Variants in INSIG2 observed in about 807,000 individuals in gnomAD.
INSIG2 encodes the protein insulin-induced gene 2 protein.
A neutral mutation model predicts 27.2 loss-of-function variants in INSIG2; 10 were observed. The observed-to-expected ratio is 0.37, with a 90% CI of 0.23 to 0.62. INSIG2 has a LOEUF of 0.62. INSIG2 is among the 20% of genes least tolerant of loss of function. The probability of loss-of-function intolerance (pLI) is 0.65; values close to 1 mark genes in which losing one functional copy is unlikely to be tolerated. For synonymous variants in INSIG2, 97 were observed against 95.8 expected, an observed-to-expected ratio of 1.01 and a Z score of -0.07; for missense variants, 178 against 270.2, an observed-to-expected ratio of 0.66 and a Z score of 2.39.
chr2:118,095,515 C>A (rs763453990), intron 1 of INSIG2, among the ~76,000 whole-genome samples: 1 of 152,166 alleles, frequency 6.6e-6, no homozygotes. Context: ...AAATGAATTA[C>A]CACATGTCAG....
rs543296033 is a variant in INSIG2 at position 118,107,263 on chromosome 2, G to A, written c.636+74G>A. 10 of 962,132 alleles carry A rather than the reference G, an allele frequency of 1.0e-5. No homozygotes were observed. The South Asian group carries it at 1.2e-4, about 11-fold the overall frequency. 59.6% of individuals were successfully genotyped at this position (962,132 alleles called of 1,614,324 possible). Reference sequence around the variant, plus strand: ...TTTTCTCTAAAAGGCAGTCCTTTAAGGGAAAGCAATTTGTGAAGACAACAT... The same window carrying A: ...TTTTCTCTAAAAGGCAGTCCTTTAAAGGAAAGCAATTTGTGAAGACAACAT... On this transcript the variant is annotated intron_variant, in intron 5 of 5. Transcript: ENST00000245787.
chr2:118,088,496 C>G lies in INSIG2; in HGVS notation c.-184C>G, dbSNP rs1052353977. On this transcript the variant is annotated 5_prime_UTR_variant, in exon 1 of 6. Transcript: ENST00000245787. ...GTTGTGGGAGTGGAGGAGGAAGAGG[C>G]GGTAGGGGGTACGGGGGCTGGTCCC... The G allele has an allele frequency of 3.9e-5, 6 of 152,492 alleles. No homozygotes were observed. Among genetic ancestry groups the G allele is most frequent in the African/African-American group, 1.2e-4 (5 of 41,414 alleles). The allele number at this position is 152,492 out of a possible 1,614,324, so 9.4% of individuals were successfully genotyped here. A position where few individuals can be genotyped will look rare whatever the true frequency, so the allele number is the denominator to read the frequency against.
Position 118,106,820 on chromosome 2 carries a change from T to C in INSIG2, c.453T>C (p.Ser151=), listed in dbSNP as rs778097021. The C allele has an allele frequency of 1.2e-6, 2 of 1,614,118 alleles. No individual in the cohort carries two copies. Among genetic ancestry groups the C allele is most frequent in the Middle Eastern group, 1.6e-4 (1 of 6,062 alleles). Residue 151 remains serine (S), a synonymous_variant, in exon 4 of 6, where the codon TCT becomes TCC. Transcript: ENST00000245787. The stretch of plus-strand genomic sequence containing the variant: ...GACTGTGGTGGACTTTTGATAGATC[T>C]AGAAGTGGTTTTGGCCTTGGAGTAG... The part of the protein sequence containing the change: ...SIGLWWTFDR[S]RSGFGLGVGI...
In INSIG2 at chr2:118,108,396, C is replaced by G. The variant is rs1363429401; in HGVS notation, c.*74C>G. The G allele has an allele frequency of 1.7e-6, 2 of 1,150,776 alleles. No individual in the cohort carries two copies. The highest frequency in any genetic ancestry group is 3.1e-5 in the African/African-American group (2 of 63,830). 71.3% of individuals were successfully genotyped at this position (1,150,776 alleles called of 1,614,324 possible). The stretch of plus-strand genomic sequence containing the variant: ...TGAAATGGTAGATATACCAACAAAA[C>G]TTCAGACTGTAAAATTGCCAGGATG... On this transcript the variant is annotated 3_prime_UTR_variant, in exon 6 of 6. Coordinates refer to ENST00000245787, the MANE Select transcript of INSIG2 (RefSeq NM_016133.4).
Position 118,096,596 on chromosome 2 carries a change from T to A in INSIG2, c.40T>A (p.Cys14Ser), listed in dbSNP as rs370685389. 14 of 1,613,586 alleles carry A rather than the reference T, an allele frequency of 8.7e-6. No homozygotes were observed. Among genetic ancestry groups the A allele is most frequent in the Middle Eastern group, 3.3e-4 (2 of 6,084 alleles). The change falls in exon 2 of 6, where the codon TGT becomes AGT. Residue 14 changes from cysteine (C) to serine (S), a missense_variant. Cys to Ser is a moderately radical substitution (Grantham distance 112). Coordinates refer to ENST00000245787, the MANE Select transcript of INSIG2 (RefSeq NM_016133.4). ...GETESPGPKK[C>S]GPYISSVTSQ... The stretch of plus-strand genomic sequence containing the variant: ...GACAGAGTCACCTGGGCCCAAAAAG[T>A]GTGGCCCATATATTTCATCTGTCAC...
At position 118,091,453 on chromosome 2, in the gene INSIG2, A is replaced by G. The variant is rs562841972; in HGVS notation, c.-139+2912A>G. 7.9e-5 allele frequency among the ~76,000 whole-genome samples: 12 copies of G among 152,306 alleles called. No homozygotes were observed. In the South Asian group the frequency reaches 2.5e-3, roughly 32 times the overall value. On this transcript the variant is annotated intron_variant, in intron 1 of 5. Coordinates refer to ENST00000245787, the MANE Select transcript of INSIG2 (RefSeq NM_016133.4). ...GCTAATAGAGTGAGAGAATTGTTAGATTACTGATTCTTTACTTTGTTTGGA... is the reference window on the plus strand; with the variant it reads ...GCTAATAGAGTGAGAGAATTGTTAGGTTACTGATTCTTTACTTTGTTTGGA...
intron 3 of INSIG2, among the ~76,000 whole-genome samples, chr2:118,104,817 T>C (rs561628718): frequency 6.9e-4 from 105 of 152,334 alleles, no homozygotes; most frequent in African/African-American, 2.5e-3. Context: ...ACTTCCACTT[T>C]GATTTTTGTT....
At position 118,108,371 on chromosome 2, in the gene INSIG2, T is replaced by C. The variant is rs1678727732; in HGVS notation, c.*49T>C. 2 of 1,436,428 alleles carry C rather than the reference T, an allele frequency of 1.4e-6. No individual in the cohort carries two copies. The highest frequency in any genetic ancestry group is 1.4e-5 in the African/African-American group (1 of 70,432). 89.0% of individuals were successfully genotyped at this position (1,436,428 alleles called of 1,614,324 possible). ...ACAGAAAAGCAAGATGAAAAGGATG[T>C]GAAATGGTAGATATACCAACAAAAC... On this transcript the variant is annotated 3_prime_UTR_variant, in exon 6 of 6. Coordinates refer to ENST00000245787, the MANE Select transcript of INSIG2 (RefSeq NM_016133.4).
chr2:118,105,064 G>T (rs180808449), intron 3 of INSIG2, among the ~76,000 whole-genome samples: 1 of 151,874 alleles, frequency 6.6e-6, no homozygotes, highest in African/African-American at 2.4e-5. Flanking sequence ...TTTTTGAGAC[G>T]GAGTCTTGCT....
At chr2:118,092,935 TATG>T (rs1284355351) in intron 1 of INSIG2, among the ~76,000 whole-genome samples, 3 of 99,304 alleles carry the variant, frequency 3.0e-5, no homozygotes, top group African/African-American at 4.2e-5. Context: ...GCAACCAGAT[TATG>T]ATGATGATGA....
chr2:118,106,553 A>G (rs1678677033), intron 3 of INSIG2, 184 bp from the exon 4 acceptor site: 2 of 534,202 alleles, frequency 3.7e-6, no homozygotes, highest in Non-Finnish European at 6.6e-6. Flanking sequence ...TGTATCTGGT[A>G]TTGGGTAAAT....
Position 118,105,229 on chromosome 2 carries a change from G to GGGGTTTTAGTAGAAAC in INSIG2, c.370-1508_370-1507insGGGTTTTAGTAGAAAC, listed in dbSNP as rs757305451. On this transcript the variant is annotated intron_variant, in intron 3 of 5. Coordinates refer to ENST00000245787, the MANE Select transcript of INSIG2 (RefSeq NM_016133.4). ...TGAATTTTTCTGTATTTTTAGTAGA[G>GGGGTTTTAGTAGAAAC]ATGGGGTTTCACCATGTTAGCCAGG... Among the ~76,000 whole-genome samples the GGGGTTTTAGTAGAAAC allele has an allele frequency of 7.1e-3, 1,077 of 152,240 alleles. 6 individuals carry two copies. Among genetic ancestry groups the GGGGTTTTAGTAGAAAC allele is most frequent in the African/African-American group, 0.015 (626 of 41,538 alleles).
At position 118,096,524 on chromosome 2, in the gene INSIG2, T is replaced by A; in HGVS notation, c.-33T>A. On this transcript the variant is annotated 5_prime_UTR_variant, in exon 2 of 6. Transcript: ENST00000245787. ...TCAGCTGGGAAGCCTTTCCATTTTT[T>A]TTTTTTTAACGGCTTTCTGAACCTA... The A allele has an allele frequency of 6.4e-7, 1 of 1,573,328 alleles. No homozygotes were observed. The highest frequency in any genetic ancestry group is 8.6e-7 in the Non-Finnish European group (1 of 1,166,240).
At chr2:118,103,100 C>G in intron 2 of INSIG2, 97 bp from the exon 3 acceptor site, 6 of 756,880 alleles carry the variant, frequency 7.9e-6, no homozygotes, top group Admixed American at 3.3e-5. Context: ...TTTTAAGAAT[C>G]TTTAAAATGC....
intron 3 of INSIG2, 99 bp from the exon 4 acceptor site, chr2:118,106,634 CAATT>C: frequency 1.2e-6 from 1 of 844,706 alleles, no homozygotes; most frequent in Non-Finnish European, 1.9e-6. Context: ...TGAGTAGAAG[CAATT>C]AATTCCCTTC....
intron 5 of INSIG2, 151 bp downstream of exon 5, chr2:118,107,340 T>A: frequency 1.6e-6 from 1 of 619,310 alleles, no homozygotes; most frequent in Admixed American, 3.0e-5. Flanking sequence ...TGGAAGAATT[T>A]AATCACAGGT....
rs947177677 is a variant in INSIG2 at position 118,109,984 on chromosome 2, G to A, written c.*1662G>A. The A allele has an allele frequency of 2.6e-5, 4 of 152,460 alleles. No homozygotes were observed. Among genetic ancestry groups the A allele is most frequent in the Non-Finnish European group, 5.9e-5 (4 of 68,010 alleles). The allele number at this position is 152,460 out of a possible 1,614,324, so 9.4% of individuals were successfully genotyped here. ...CTATGATGTGTTTACTTTAAAAATT[G>A]CTGTTAAAAGCAACACGTATTAAAT... is the stretch of plus-strand genomic sequence containing the variant. On this transcript the variant is annotated 3_prime_UTR_variant, in exon 6 of 6. Transcript: ENST00000245787.
chr2:118,105,331 G>A (rs1035183895), intron 3 of INSIG2, among the ~76,000 whole-genome samples: 5 of 152,102 alleles, frequency 3.3e-5, no homozygotes, highest in African/African-American at 9.7e-5. Flanking sequence ...ATGAGCCACC[G>A]CACCTGGCCC....
intron 3 of INSIG2, 76 bp from the exon 4 acceptor site, chr2:118,106,661 T>C (rs1678679118): frequency 4.3e-6 from 5 of 1,165,654 alleles, no homozygotes; most frequent in African/African-American, 1.5e-5. Flanking sequence ...AACAGAGGCA[T>C]CTCTTATTTA....
Sources: allele counts gnomAD v4.1 joint callset (sites outside exome capture counted in the v4.1 genomes callset), GRCh38; gene constraint gnomAD v4.1.1; transcripts MANE v1.5; gene names NCBI Gene and HGNC (gene_info 2026-07-23, HGNC 2026-07-21).